SLC12A8: variants seen among roughly 807,000 people sequenced by gnomAD.
SLC12A8 encodes the protein cation-chloride cotransporter 9.
SLC12A8 carries 69 observed loss-of-function variants against 75.6 expected under a neutral mutation model. The ratio of observed to expected loss-of-function variants is 0.91; its 90% confidence interval spans 0.75 to 1.11. The LOEUF (loss-of-function observed/expected upper bound fraction) is 1.11. SLC12A8 is among the 50% of genes most tolerant of loss of function. SLC12A8 has a pLI of 0.00. For missense variants in SLC12A8, 877 were observed against 896.7 expected (o/e 0.98, Z 0.28); for synonymous variants, 365 against 372.8 (o/e 0.98, Z 0.24).
intron 2 of SLC12A8, among the ~76,000 whole-genome samples, chr3:125,204,206 C>T (rs144893565): frequency 7.2e-4 from 110 of 152,216 alleles, no homozygotes; most frequent in African/African-American, 2.6e-3. Flanking sequence ...ATAGAACTAC[C>T]ATATGATCCA....
At chr3:125,169,545 G>A (rs1432801608) in intron 5 of SLC12A8, among the ~76,000 whole-genome samples, 11 of 152,140 alleles carry the variant, frequency 7.2e-5, no homozygotes, top group Admixed American at 7.2e-4. Flanking sequence ...ACAGTGGAGG[G>A]AGGGGTGTGC....
rs768087718 is a variant in SLC12A8 at position 125,107,735 on chromosome 3, C to T, written c.1451G>A (p.Arg484Lys). 2 of 1,614,152 alleles carry T rather than the reference C, an allele frequency of 1.2e-6. No homozygotes were observed. The highest frequency in any genetic ancestry group is 2.2e-5 in the East Asian group (1 of 44,880). ...TTTCCTCTTCTGACTTTCTGGGGTCCTGTTACCCTCTCCTTGCCTGGGCTG... is the reference window on the plus strand; with the variant it reads ...TTTCCTCTTCTGACTTTCTGGGGTCTTGTTACCCTCTCCTTGCCTGGGCTG... Reference protein sequence around the residue: ...SSQPRQGEGNRTPESQKRKSK... With the variant: ...SSQPRQGEGNKTPESQKRKSK... Residue 484 changes from arginine to lysine, a missense_variant, in exon 10 of 14, where the codon AGG becomes AAG. Arg to Lys is a conservative substitution (Grantham distance 26). Transcript: ENST00000469902.
chr3:125,180,542 TAA>T (rs1316302256), intron 4 of SLC12A8, among the ~76,000 whole-genome samples: 1 of 151,984 alleles, frequency 6.6e-6, no homozygotes, highest in African/African-American at 2.4e-5. Flanking sequence ...AAAATAAAAA[TAA>T]GCCAGGCACG....
Position 125,110,287 on chromosome 3 carries a change from G to C in SLC12A8, c.961C>G (p.Leu321Val). 6.2e-7 allele frequency: 1 copy of C among 1,614,032 alleles called. No individual in the cohort carries two copies. Among genetic ancestry groups the C allele is most frequent in the Non-Finnish European group, 8.5e-7 (1 of 1,179,930 alleles). ...LFLLGLYISS[L>V]ASCMGGLYGA... ...TAAAGTCCTCCCATGCAGGAAGCCAGGGACGAGATGTATAAGCCCAAAAGG... is the reference window on the plus strand; with the variant it reads ...TAAAGTCCTCCCATGCAGGAAGCCACGGACGAGATGTATAAGCCCAAAAGG... The change falls in exon 9 of 14, where the codon CTG (leucine) becomes GTG (valine). Residue 321 changes from leucine to valine, a missense_variant. Transcript: ENST00000469902.
At chr3:125,144,447 G>C (rs1933723479) in intron 5 of SLC12A8, among the ~76,000 whole-genome samples, 1 of 152,128 alleles carries the variant, frequency 6.6e-6, no homozygotes. Flanking sequence ...GGGGTCCAGA[G>C]GGACCTGGCC....
At chr3:125,162,286 T>C (rs1934192008) in intron 5 of SLC12A8, among the ~76,000 whole-genome samples, 1 of 152,228 alleles carries the variant, frequency 6.6e-6, no homozygotes. Flanking sequence ...CCCGTGCTGG[T>C]GTTGGAGGAC....
chr3:125,092,864 C>A (rs1166474760), intron 10 of SLC12A8, among the ~76,000 whole-genome samples: 2 of 152,240 alleles, frequency 1.3e-5, no homozygotes, highest in South Asian at 4.2e-4. Context: ...GCTCCAGAAG[C>A]GCTCAATTTA....
At chr3:125,093,172 ACAC>A (rs1938628198) in intron 10 of SLC12A8, among the ~76,000 whole-genome samples, 1 of 152,244 alleles carries the variant, frequency 6.6e-6, no homozygotes, top group Non-Finnish European at 1.5e-5. Context: ...ATCACCATGA[ACAC>A]CACAATAATG....
chr3:125,156,779 G>A (rs1315638344), intron 5 of SLC12A8, among the ~76,000 whole-genome samples: 2 of 152,158 alleles, frequency 1.3e-5, no homozygotes, highest in African/African-American at 2.4e-5. Context: ...CACGTTTGAA[G>A]GGCCCCAGCC....
chr3:125,099,038 G>A (rs1938794046), intron 10 of SLC12A8, among the ~76,000 whole-genome samples: 1 of 152,176 alleles, frequency 6.6e-6, no homozygotes, highest in South Asian at 2.1e-4. Flanking sequence ...CACGCCTGGG[G>A]AGGCCTGAAA....
chr3:125,168,399 C>A (rs1363555039), intron 5 of SLC12A8, among the ~76,000 whole-genome samples: 1 of 152,094 alleles, frequency 6.6e-6, no homozygotes, highest in East Asian at 1.9e-4. Context: ...CAAGATGGTG[C>A]CCAGACAGCC....
chr3:125,153,621 A>AATTT (rs1324072497), intron 5 of SLC12A8, among the ~76,000 whole-genome samples: 5 of 128,254 alleles, frequency 3.9e-5, no homozygotes, highest in Admixed American at 3.5e-4. Context: ...GAGATAATGA[A>AATTT]ATTTATGTAT....
At chr3:125,184,545 G>C (rs1934732916) in intron 4 of SLC12A8, among the ~76,000 whole-genome samples, 1 of 152,004 alleles carries the variant, frequency 6.6e-6, no homozygotes, top group Non-Finnish European at 1.5e-5. Context: ...GAAGTTTGCT[G>C]ACCCCTGCTT....
intron 5 of SLC12A8, among the ~76,000 whole-genome samples, chr3:125,165,101 G>C (rs946527326): frequency 1.3e-5 from 2 of 152,172 alleles, no homozygotes. Flanking sequence ...TTTGAGGAGG[G>C]GAAAGCAACC....
In SLC12A8 at chr3:125,177,804, C is replaced by T. The variant is rs1934569632; in HGVS notation, c.561G>A (p.Leu187=). 1 of 1,614,038 alleles carries T rather than the reference C, an allele frequency of 6.2e-7. No individual in the cohort carries two copies. Among genetic ancestry groups the T allele is most frequent in the South Asian group, 1.1e-5 (1 of 91,090 alleles). Residue 187 remains leucine, a synonymous_variant, in exon 5 of 14, where the codon CTG becomes CTA. Transcript: ENST00000469902. ...KWIIRLQLLL[L]FLLAVSTLDF... is the part of the protein sequence containing the mutation. ...CCAGTGTGGACACGGCCAGCAGGAA[C>T]AGCAACAGCAGCTGGAGGCGGATTA...
At chr3:125,195,795 A>G (rs1311647406) in intron 2 of SLC12A8, among the ~76,000 whole-genome samples, 1 of 152,064 alleles carries the variant, frequency 6.6e-6, no homozygotes, top group Non-Finnish European at 1.5e-5. Flanking sequence ...GAGCTCTGGA[A>G]ATCTGATGTC....
At chr3:125,108,608 A>G (rs1291525962) in intron 9 of SLC12A8, among the ~76,000 whole-genome samples, 3 of 152,158 alleles carry the variant, frequency 2.0e-5, no homozygotes, top group African/African-American at 7.2e-5. Flanking sequence ...GCCTCAAGCA[A>G]TCTGCCCACC....
chr3:125,190,281 A>G, intron 3 of SLC12A8, 94 bp downstream of exon 3: 1 of 1,356,048 alleles, frequency 7.4e-7, no homozygotes, highest in Non-Finnish European at 1.0e-6. Context: ...TCTGTGCTTC[A>G]GGAATCTGTG....
chr3:125,120,477 G>A (rs1464627125), intron 7 of SLC12A8, 122 bp downstream of exon 7: 4 of 763,522 alleles, frequency 5.2e-6, no homozygotes, highest in Non-Finnish European at 9.1e-6. Context: ...AAGAAGGATC[G>A]GAATATGAAA....
Sources: allele counts gnomAD v4.1 joint callset (sites outside exome capture counted in the v4.1 genomes callset), GRCh38; gene constraint gnomAD v4.1.1; transcripts MANE v1.5; gene names NCBI Gene and HGNC (gene_info 2026-07-23, HGNC 2026-07-21).